The following GPHN variants were observed in gnomAD, a reference collection of about 807,000 sequenced individuals.
GPHN encodes the protein gephyrin.
A neutral mutation model predicts 95.5 loss-of-function variants in GPHN; 17 were observed. That is an observed-to-expected ratio of 0.18 (90% CI 0.12 to 0.27). The LOEUF is 0.27. GPHN is among the 10% of genes least tolerant of loss of function. The pLI is 1.00. For synonymous variants in GPHN, 320 were observed against 322.5 expected (o/e 0.99, Z 0.08); for missense variants, 660 against 978.1 (o/e 0.67, Z 4.34).
chr14:67,134,953 C>CCTTTTTTTTTTTTTTTTT (rs2079968605), intron 17 of GPHN, among the ~76,000 whole-genome samples: 1 of 45,252 alleles, frequency 2.2e-5, no homozygotes, highest in African/African-American at 1.0e-4. Flanking sequence ...TTTCTTTCTT[C>CCTTTTTTTTTTTTTTTTT]TTTTTTTTTT....
intron 2 of GPHN, among the ~76,000 whole-genome samples, chr14:66,769,930 A>G (rs1230270622): frequency 6.6e-6 from 1 of 152,134 alleles, no homozygotes; most frequent in East Asian, 1.9e-4. Context: ...GCTTGAATTA[A>G]TTTATACTCC....
chr14:67,235,886 C>G, the GPHN span, among the ~76,000 whole-genome samples: 1 of 152,118 alleles, frequency 6.6e-6, no homozygotes, highest in East Asian at 1.9e-4. Context: ...TAAGCTCATG[C>G]TTCTTTTCTC....
chr14:67,035,822 A>C (rs1282242349), intron 10 of GPHN, among the ~76,000 whole-genome samples: 23 of 151,970 alleles, frequency 1.5e-4, no homozygotes, highest in Admixed American at 1.5e-3. Flanking sequence ...GAATTCTACC[A>C]AGCATTTAAA....
At chr14:66,970,146 A>C (rs1379186294) in intron 9 of GPHN, among the ~76,000 whole-genome samples, 1 of 151,202 alleles carries the variant, frequency 6.6e-6, no homozygotes, top group Non-Finnish European at 1.5e-5. Flanking sequence ...ATCTAATTGA[A>C]GTTATCAATA....
the GPHN span, among the ~76,000 whole-genome samples, chr14:67,495,647 T>C: frequency 1.3e-5 from 2 of 152,006 alleles, no homozygotes; most frequent in African/African-American, 2.4e-5. Flanking sequence ...CCATGCCCAG[T>C]TGATTTTTGT....
intron 2 of GPHN, among the ~76,000 whole-genome samples, chr14:66,755,134 A>G (rs2058511465): frequency 6.6e-6 from 1 of 152,052 alleles, no homozygotes; most frequent in Non-Finnish European, 1.5e-5. Context: ...TTCACTGTCT[A>G]AGAATATGGA....
chr14:66,829,478 A>G (rs1294877679), intron 4 of GPHN, among the ~76,000 whole-genome samples: 2 of 151,770 alleles, frequency 1.3e-5, no homozygotes, highest in Non-Finnish European at 2.9e-5. Context: ...AGATTATGAA[A>G]CTCATTTCTA....
At chr14:66,728,734 A>G (rs949479644) in intron 2 of GPHN, among the ~76,000 whole-genome samples, 12 of 152,186 alleles carry the variant, frequency 7.9e-5, no homozygotes, top group Admixed American at 4.6e-4. Context: ...TTACTGGCTC[A>G]TAGGTAAAAG....
chr14:67,047,817 C>G (rs116180366), intron 10 of GPHN, among the ~76,000 whole-genome samples: 224 of 152,210 alleles, frequency 1.5e-3, no homozygotes, highest in African/African-American at 5.1e-3. Context: ...GAAAATTAGC[C>G]AGGTATGGTG....
At chr14:67,059,010 A>G (rs576054947) in intron 11 of GPHN, 20 of 544,224 alleles carry the variant, frequency 3.7e-5, no homozygotes, top group African/African-American at 3.6e-4. Context: ...TTCATTAAAA[A>G]AAGGAAAAAA....
intron 10 of GPHN, among the ~76,000 whole-genome samples, chr14:67,051,838 G>A (rs1473121190): frequency 6.6e-6 from 1 of 152,122 alleles, no homozygotes; most frequent in African/African-American, 2.4e-5. Context: ...TTCCAACCCA[G>A]AATTTCATAA....
At chr14:67,450,567 A>G in the GPHN span, among the ~76,000 whole-genome samples, 1 of 152,222 alleles carries the variant, frequency 6.6e-6, no homozygotes, top group African/African-American at 2.4e-5. Flanking sequence ...CTTACGTCTT[A>G]GTAAAGAGAA....
the GPHN span, among the ~76,000 whole-genome samples, chr14:67,289,801 C>T: frequency 4.0e-5 from 5 of 124,342 alleles, no homozygotes; most frequent in East Asian, 1.2e-3. Flanking sequence ...GAGACGGAGT[C>T]TCTCTGTCGC....
At chr14:67,600,254 G>GCCCTCC in the GPHN span, 1 of 1,443,610 alleles carries the variant, frequency 6.9e-7, no homozygotes, top group Non-Finnish European at 9.2e-7. Context: ...TGCGCTCGCC[G>GCCCTCC]GCCCTGGCCG....
At chr14:67,431,411 A>AC in the GPHN span, among the ~76,000 whole-genome samples, 19 of 144,564 alleles carry the variant, frequency 1.3e-4, no homozygotes, top group African/African-American at 4.8e-4. Flanking sequence ...AAAAAAAAAA[A>AC]AAAAAAAAAA....
Position 67,122,366 on chromosome 14 carries a change from T to G in GPHN, c.1737T>G (p.Ile579Met). ...EHGYPTINLG[I>M]VGDNPDDLLN... ...GTTACCCCACGATCAACTTGGGTAT[T>G]GTAGGAGACAAGTAAGTATTTGATG... Residue 579 changes from isoleucine (I) to methionine (M), a missense_variant, in exon 17 of 23, where the codon ATT becomes ATG. Physicochemically the swap from Ile to Met is conservative, Grantham distance 10 (BLOSUM62 1). Transcript: ENST00000478722. The G allele has an allele frequency of 6.2e-7, 1 of 1,613,202 alleles. No individual in the cohort carries two copies. Among genetic ancestry groups the G allele is most frequent in the Non-Finnish European group, 8.5e-7 (1 of 1,179,216 alleles).
the GPHN span, among the ~76,000 whole-genome samples, chr14:67,547,330 C>T: frequency 6.6e-6 from 1 of 152,190 alleles, no homozygotes; most frequent in Admixed American, 6.6e-5. Context: ...CCATGTTGGT[C>T]AATGTCAGGA....
intron 1 of GPHN, among the ~76,000 whole-genome samples, chr14:66,663,528 G>C (rs1251472645): frequency 2.0e-5 from 3 of 152,088 alleles, no homozygotes; most frequent in Admixed American, 2.0e-4. Context: ...AAGCACACTG[G>C]AGTACACAGA....
chr14:67,651,395 C>T, the GPHN span: 40 of 1,613,562 alleles, frequency 2.5e-5, no homozygotes, highest in East Asian at 1.1e-4. Flanking sequence ...TCAATGGCTG[C>T]GAAAGAATTT....
Sources: gnomAD v4.1 joint callset for allele counts (sites outside exome capture counted in the v4.1 genomes callset) on GRCh38, gnomAD v4.1.1 for gene constraint, MANE v1.5 for transcripts, NCBI Gene and HGNC (gene_info 2026-07-23, HGNC 2026-07-21) for gene names.